NAA35: variants seen among roughly 807,000 people sequenced by gnomAD.
The protein encoded by NAA35 is N-alpha-acetyltransferase 35, NatC auxiliary subunit.
Under a neutral mutation model 101.7 loss-of-function variants are expected in NAA35, and 18 were observed. The ratio of observed to expected loss-of-function variants is 0.18; its 90% CI spans 0.12 to 0.26. NAA35 has a LOEUF of 0.26. Ranked by LOEUF, NAA35 falls within the 10% of genes least tolerant of loss-of-function variation. The probability of loss-of-function intolerance (pLI) is 1.00; values close to 1 mark genes in which losing one functional copy is unlikely to be tolerated. For missense variants in NAA35, 601 were observed against 886.8 expected (o/e 0.68, Z 4.09); for synonymous variants, 267 against 273.1 (o/e 0.98, Z 0.22).
At chr9:85,976,380 T>TA (rs1350393674) in intron 8 of NAA35, among the ~76,000 whole-genome samples, 1 of 152,198 alleles carries the variant, frequency 6.6e-6, no homozygotes, top group Non-Finnish European at 1.5e-5. Flanking sequence ...TTTCAATTAA[T>TA]ATCTCCTTTT....
intron 17 of NAA35, among the ~76,000 whole-genome samples, chr9:86,016,104 T>A (rs1832206015): frequency 6.6e-6 from 1 of 151,638 alleles, no homozygotes; most frequent in Non-Finnish European, 1.5e-5. Context: ...TGGTAGAGAA[T>A]GTTCTGTTTT....
chr9:85,971,131 G>A (rs1829981217), intron 6 of NAA35, among the ~76,000 whole-genome samples: 1 of 152,102 alleles, frequency 6.6e-6, no homozygotes, highest in African/African-American at 2.4e-5. Context: ...ATGGCTCCTT[G>A]TATCTACAGT....
At chr9:85,943,967 C>T (rs773670978) in intron 2 of NAA35, among the ~76,000 whole-genome samples, 5 of 152,098 alleles carry the variant, frequency 3.3e-5, no homozygotes, top group Non-Finnish European at 5.9e-5. Flanking sequence ...AATTATAGAG[C>T]GTCTTTAGTG....
At chr9:86,015,423 C>T (rs1228217582) in intron 17 of NAA35, among the ~76,000 whole-genome samples, 2 of 152,102 alleles carry the variant, frequency 1.3e-5, no homozygotes, top group Non-Finnish European at 2.9e-5. Context: ...CATACGGTCC[C>T]TGAAGCATGT....
chr9:85,997,119 TGTTTTA>T (rs1394695863), intron 12 of NAA35, among the ~76,000 whole-genome samples: 1 of 147,956 alleles, frequency 6.8e-6, no homozygotes, highest in Non-Finnish European at 1.5e-5. Flanking sequence ...TGCCCAACAA[TGTTTTA>T]GTTTAATCAT....
intron 6 of NAA35, among the ~76,000 whole-genome samples, chr9:85,972,363 G>A (rs1830032851): frequency 6.6e-6 from 1 of 151,746 alleles, no homozygotes; most frequent in South Asian, 2.1e-4. Context: ...AAAAAATTTA[G>A]CCCGGTGTGG....
intron 9 of NAA35, 45 bp from the exon 10 acceptor site, chr9:85,977,318 C>T (rs749109084): frequency 1.8e-5 from 24 of 1,305,364 alleles, no homozygotes; most frequent in South Asian, 8.3e-5. Flanking sequence ...ATTCCTTTCA[C>T]GGGCTTTGCA....
intron 21 of NAA35, among the ~76,000 whole-genome samples, chr9:86,020,160 G>GT (rs370872984): frequency 9.2e-5 from 14 of 152,162 alleles, no homozygotes; most frequent in African/African-American, 3.4e-4. Flanking sequence ...AGAATTGGTA[G>GT]TTTTGTTTCC....
In NAA35 at chr9:85,974,900, T is replaced by G. The variant is rs560358930; in HGVS notation, c.517-67T>G. The stretch of plus-strand genomic sequence containing the variant: ...TTTGTAAGAGAAATATAAAGAAAAG[T>G]TTTATATTTTGCCGCTATTTAAGGT... On this transcript the variant is annotated intron_variant, in intron 6 of 22. Transcript: ENST00000361671. The G allele has an allele frequency of 2.8e-4, 300 of 1,074,684 alleles. 1 individual carries two copies. The highest frequency in any genetic ancestry group is 3.9e-4 in the Non-Finnish European group (280 of 718,740). The allele number at this position is 1,074,684 out of a possible 1,614,324, so 66.6% of individuals were successfully genotyped here. A position where few individuals can be genotyped will look rare whatever the true frequency, so the allele number is the denominator to read the frequency against.
chr9:86,010,845 G>A (rs1831891041), intron 15 of NAA35, among the ~76,000 whole-genome samples: 2 of 151,126 alleles, frequency 1.3e-5, no homozygotes, highest in Non-Finnish European at 2.9e-5. Flanking sequence ...CCAAAGTGCT[G>A]GGATTACAAG....
chr9:86,012,307 C>T (rs764349974), intron 15 of NAA35, among the ~76,000 whole-genome samples: 40 of 151,724 alleles, frequency 2.6e-4, no homozygotes, highest in African/African-American at 5.8e-4. Context: ...TTATTAGTGA[C>T]GGGGTTTCAC....
At chr9:85,979,832 A>G (rs1207805860) in intron 11 of NAA35, among the ~76,000 whole-genome samples, 1 of 152,146 alleles carries the variant, frequency 6.6e-6, no homozygotes, top group Admixed American at 6.5e-5. Flanking sequence ...TTAAACTCCC[A>G]TTGAAGGAGT....
At position 86,010,919 on chromosome 9, in the gene NAA35, T is replaced by C. The variant is rs182015690; in HGVS notation, c.1290+988T>C. Reference sequence around the variant, plus strand: ...TAACATCCTTGTACACTTATCTTTGTATTATATTAATGAACTGAGTTATAA... The same window carrying C: ...TAACATCCTTGTACACTTATCTTTGCATTATATTAATGAACTGAGTTATAA... On this transcript the variant is annotated intron_variant, in intron 15 of 22. Transcript: ENST00000361671. 3.9e-3 allele frequency among the ~76,000 whole-genome samples: 599 copies of C among 151,784 alleles called. 5 individuals are homozygous for C. Among genetic ancestry groups the C allele is most frequent in the African/African-American group, 0.014 (566 of 41,398 alleles).
At chr9:85,966,581 A>T in intron 6 of NAA35, 1 of 1,190,762 alleles carries the variant, frequency 8.4e-7, no homozygotes, top group Non-Finnish European at 1.1e-6. Context: ...AACCTCACCC[A>T]CCTCTTGATC....
At chr9:85,986,709 T>C (rs1021668928) in intron 11 of NAA35, 1 of 287,118 alleles carries the variant, frequency 3.5e-6, no homozygotes, top group Non-Finnish European at 6.8e-6. Context: ...CTCACCCTCC[T>C]GAGTAGCTGG....
In NAA35 at chr9:86,007,434, C is replaced by G. The variant is rs777775451; in HGVS notation, c.1193C>G (p.Ser398Cys). Reference sequence around the variant, plus strand: ...GACATGGTGAAAGATGCACTTCGGTCTTTTGTCAGTCCTCCGGTGCTTTCC... The same window carrying G: ...GACATGGTGAAAGATGCACTTCGGTGTTTTGTCAGTCCTCCGGTGCTTTCC... Reference protein sequence around the residue: ...MQDMVKDALRSFVSPPVLSPK... With the variant: ...MQDMVKDALRCFVSPPVLSPK... The change falls in exon 14 of 23, where the codon TCT becomes TGT. Residue 398 changes from serine (S) to cysteine (C), a missense_variant. By Grantham distance (112) the Ser-to-Cys change is moderately radical. Coordinates refer to ENST00000361671, the MANE Select transcript of NAA35 (RefSeq NM_024635.4). The G allele has an allele frequency of 1.9e-6, 3 of 1,613,598 alleles. No homozygotes were observed. The Admixed American group carries it at 5.0e-5, about 27-fold the overall frequency.
At chr9:85,986,990 A>C (rs762618378) in intron 11 of NAA35, 3 of 155,604 alleles carry the variant, frequency 1.9e-5, no homozygotes, top group Non-Finnish European at 4.3e-5. Flanking sequence ...AGCCAAAAAA[A>C]GAAAAAATCA....
rs146419319 is a variant in NAA35 at position 85,994,706 on chromosome 9, C to G, written c.878-1693C>G. ...AATAACTTACTTTGCTCAGTAAAAC[C>G]AAAGTACTTGTTACCATAAATCTTT... On this transcript the variant is annotated intron_variant, in intron 11 of 22. Coordinates refer to ENST00000361671, the MANE Select transcript of NAA35 (RefSeq NM_024635.4). Among the ~76,000 whole-genome samples the G allele has an allele frequency of 6.3e-3, 951 of 152,084 alleles. 3 individuals carry two copies. The highest frequency in any genetic ancestry group is 0.011 in the Non-Finnish European group (772 of 67,980).
At chr9:85,993,111 C>T (rs1305357033) in intron 11 of NAA35, among the ~76,000 whole-genome samples, 1 of 152,114 alleles carries the variant, frequency 6.6e-6, no homozygotes, top group East Asian at 1.9e-4. Context: ...TATGTTGAGC[C>T]AAAGAAGTCA....
Sources: allele counts gnomAD v4.1 joint callset (sites outside exome capture counted in the v4.1 genomes callset), GRCh38; gene constraint gnomAD v4.1.1; transcripts MANE v1.5; gene names NCBI Gene and HGNC (gene_info 2026-07-23, HGNC 2026-07-21).